GRIK2: variants seen among roughly 807,000 people sequenced by gnomAD.
GRIK2 encodes the protein glutamate ionotropic receptor kainate type subunit 2, also known as glutamate receptor ionotropic, kainate 2.
Under a neutral mutation model 100.3 loss-of-function variants are expected in GRIK2, and 32 were observed. The observed-to-expected ratio is 0.32, with a 90% CI of 0.24 to 0.43. The LOEUF is 0.43. GRIK2 is among the 20% of genes least tolerant of loss of function. The pLI is 1.00. For synonymous variants in GRIK2, 417 were observed against 389.4 expected, an observed-to-expected ratio of 1.07 and a Z score of -0.83; for missense variants, 843 against 1,114.9, an observed-to-expected ratio of 0.76 and a Z score of 3.47.
chr6:101,441,387 C>A (rs1279565908), intron 2 of GRIK2, among the ~76,000 whole-genome samples: 3 of 152,106 alleles, frequency 2.0e-5, no homozygotes, highest in African/African-American at 7.2e-5. Flanking sequence ...AAACAAAAAG[C>A]AGTCATCATT....
At chr6:101,536,593 C>T (rs1775704004) in intron 2 of GRIK2, among the ~76,000 whole-genome samples, 1 of 151,452 alleles carries the variant, frequency 6.6e-6, no homozygotes, top group African/African-American at 2.4e-5. Flanking sequence ...AAATTATACC[C>T]AGGCTAAAGT....
intron 7 of GRIK2, among the ~76,000 whole-genome samples, chr6:101,749,364 C>A (rs1192688675): frequency 6.6e-6 from 1 of 152,078 alleles, no homozygotes; most frequent in Admixed American, 6.5e-5. Flanking sequence ...CTGTCTCGGC[C>A]CCCCAGATTG....
intron 14 of GRIK2, among the ~76,000 whole-genome samples, chr6:101,942,132 C>T (rs2128475946): frequency 6.6e-6 from 1 of 152,088 alleles, no homozygotes; most frequent in South Asian, 2.1e-4. Flanking sequence ...AATTTTAAAA[C>T]AAAAGACTGA....
chr6:101,873,606 T>G (rs1271421479), intron 11 of GRIK2, among the ~76,000 whole-genome samples: 1 of 152,088 alleles, frequency 6.6e-6, no homozygotes, highest in Non-Finnish European at 1.5e-5. Context: ...TTTGGGTATA[T>G]ACCCAGTAAT....
At chr6:101,617,643 A>T (rs1188439840) in intron 2 of GRIK2, among the ~76,000 whole-genome samples, 1 of 151,734 alleles carries the variant, frequency 6.6e-6, no homozygotes, top group Non-Finnish European at 1.5e-5. Context: ...GTGTATATAA[A>T]ATTGTTTCAA....
intron 2 of GRIK2, among the ~76,000 whole-genome samples, chr6:101,419,624 C>T (rs1776320166): frequency 6.6e-6 from 1 of 152,148 alleles, no homozygotes; most frequent in African/African-American, 2.4e-5. Context: ...ATTCATTAGT[C>T]CCTATCATAA....
intron 4 of GRIK2, among the ~76,000 whole-genome samples, chr6:101,649,078 A>T (rs1781664618): frequency 6.6e-6 from 1 of 152,056 alleles, no homozygotes; most frequent in South Asian, 2.1e-4. Context: ...ATTCAAGGTG[A>T]GAATATGGGT....
At chr6:101,683,820 T>C (rs562760248) in intron 6 of GRIK2, among the ~76,000 whole-genome samples, 1 of 152,342 alleles carries the variant, frequency 6.6e-6, no homozygotes, top group East Asian at 1.9e-4. Context: ...TCTGATTATC[T>C]TAAAAATTTC....
chr6:101,454,042 T>A (rs1354624248), intron 2 of GRIK2, among the ~76,000 whole-genome samples: 2 of 151,970 alleles, frequency 1.3e-5, no homozygotes, highest in Non-Finnish European at 2.9e-5. Context: ...GAAGCTGAAT[T>A]CACACCCTTT....
chr6:101,397,271 T>C (rs1319512952), intron 1 of GRIK2, among the ~76,000 whole-genome samples: 2 of 152,222 alleles, frequency 1.3e-5, no homozygotes, highest in Non-Finnish European at 2.9e-5. Flanking sequence ...CAGTCATTAT[T>C]ATCTCTGCTA....
At chr6:101,691,409 G>A (rs1772087192) in intron 7 of GRIK2, among the ~76,000 whole-genome samples, 1 of 150,134 alleles carries the variant, frequency 6.7e-6, no homozygotes, top group African/African-American at 2.5e-5. Context: ...AGAGATTCTT[G>A]CGCCTCAGCC....
intron 15 of GRIK2, among the ~76,000 whole-genome samples, chr6:102,048,899 G>A (rs1302198917): frequency 1.3e-5 from 2 of 151,768 alleles, no homozygotes; most frequent in African/African-American, 4.8e-5. Flanking sequence ...TTTCGGAGGT[G>A]GCCAGAGAGG....
intron 2 of GRIK2, among the ~76,000 whole-genome samples, chr6:101,536,438 A>G (rs549056215): frequency 6.6e-6 from 1 of 151,794 alleles, no homozygotes; most frequent in East Asian, 1.9e-4. Context: ...CACAAAATCT[A>G]AGAGTTGGGG....
chr6:101,736,572 C>A (rs1775647221), intron 7 of GRIK2, among the ~76,000 whole-genome samples: 1 of 152,158 alleles, frequency 6.6e-6, no homozygotes, highest in Non-Finnish European at 1.5e-5. Context: ...TACATTGGCC[C>A]CTTTCAGCCG....
At chr6:101,777,279 G>T (rs1456046310) in intron 7 of GRIK2, among the ~76,000 whole-genome samples, 1 of 152,146 alleles carries the variant, frequency 6.6e-6, no homozygotes, top group Admixed American at 6.5e-5. Flanking sequence ...TGGGCAGAGT[G>T]CTCAGTGCAG....
intron 4 of GRIK2, among the ~76,000 whole-genome samples, chr6:101,627,267 A>C (rs1268116413): frequency 6.6e-6 from 1 of 151,846 alleles, no homozygotes; most frequent in Non-Finnish European, 1.5e-5. Flanking sequence ...TCAGCTTCCC[A>C]AGTAGCTGGG....
intron 14 of GRIK2, among the ~76,000 whole-genome samples, chr6:102,016,822 C>T (rs1162424496): frequency 6.6e-6 from 1 of 152,084 alleles, no homozygotes; most frequent in African/African-American, 2.4e-5. Flanking sequence ...GACACATCAT[C>T]ATCAGATTCT....
intron 14 of GRIK2, among the ~76,000 whole-genome samples, chr6:102,032,648 C>T (rs1335026): frequency 0.061 from 9,291 of 151,306 alleles, 405 homozygotes; most frequent in Admixed American, 0.13. Flanking sequence ...TGCTTTCTCT[C>T]ATATTAGAGA....
chr6:101,393,903 C>T (rs1443202649), intron 1 of GRIK2, among the ~76,000 whole-genome samples, 66 bp downstream of exon 1: 6 of 151,980 alleles, frequency 3.9e-5, no homozygotes, highest in African/African-American at 1.2e-4. Context: ...TTCAAGAGGA[C>T]GGGAGGGACT....
Sources: gnomAD v4.1 joint callset for allele counts (sites outside exome capture counted in the v4.1 genomes callset) on GRCh38, gnomAD v4.1.1 for gene constraint, MANE v1.5 for transcripts, NCBI Gene and HGNC (gene_info 2026-07-23, HGNC 2026-07-21) for gene names.